The following COL25A1 variants were observed in gnomAD, a reference collection of about 807,000 sequenced individuals.
COL25A1 encodes the protein collagen type XXV alpha 1 chain.
In COL25A1, 103 loss-of-function variants were observed where a neutral mutation model predicts 128.4. The ratio of observed to expected loss-of-function variants is 0.80; its 90% CI spans 0.68 to 0.94. COL25A1 has a LOEUF of 0.94. COL25A1 is among the 40% of genes least tolerant of loss of function. The pLI, the probability that COL25A1 is intolerant of heterozygous loss-of-function variation, is 0.00. For synonymous variants in COL25A1, 279 were observed against 277.2 expected, an observed-to-expected ratio of 1.01 and a Z score of -0.06; for missense variants, 745 against 840.0, an observed-to-expected ratio of 0.89 and a Z score of 1.40.
At chr4:109,174,425 A>T (rs1329389078) in intron 3 of COL25A1, among the ~76,000 whole-genome samples, 1 of 152,152 alleles carries the variant, frequency 6.6e-6, no homozygotes, top group African/African-American at 2.4e-5. Context: ...AGCACGTTTC[A>T]GTTCCCCACC....
intron 3 of COL25A1, among the ~76,000 whole-genome samples, chr4:109,094,050 A>C (rs1765189433): frequency 6.6e-6 from 1 of 152,240 alleles, no homozygotes; most frequent in Non-Finnish European, 1.5e-5. Flanking sequence ...ATAGAGCTTC[A>C]ATAAATATGT....
At chr4:109,294,294 A>G (rs1370227611) in intron 3 of COL25A1, among the ~76,000 whole-genome samples, 1 of 152,120 alleles carries the variant, frequency 6.6e-6, no homozygotes, top group Non-Finnish European at 1.5e-5. Context: ...GAATCACAGA[A>G]TAGTCATTTG....
At chr4:108,871,436 C>T (rs1000502559) in intron 19 of COL25A1, among the ~76,000 whole-genome samples, 8 of 152,112 alleles carry the variant, frequency 5.3e-5, no homozygotes, top group Non-Finnish European at 1.0e-4. Flanking sequence ...CTGCCTCAGC[C>T]TCCCGAGTAG....
chr4:108,875,448 GAC>G (rs1358239099), intron 19 of COL25A1, among the ~76,000 whole-genome samples: 3 of 152,144 alleles, frequency 2.0e-5, no homozygotes, highest in African/African-American at 7.2e-5. Context: ...GCAGCCAACA[GAC>G]ACATGAAAAA....
chr4:108,997,081 G>C (rs1363069381), intron 6 of COL25A1, among the ~76,000 whole-genome samples: 2 of 152,038 alleles, frequency 1.3e-5, no homozygotes, highest in Non-Finnish European at 2.9e-5. Flanking sequence ...AGAAACAAGA[G>C]CAAACAAATT....
intron 12 of COL25A1, among the ~76,000 whole-genome samples, chr4:108,919,907 C>T (rs1232714118): frequency 2.0e-5 from 3 of 152,062 alleles, no homozygotes; most frequent in East Asian, 1.9e-4. Flanking sequence ...GGACTACAGG[C>T]GTGTGCCACC....
chr4:108,883,799 T>C (rs1043212223), intron 19 of COL25A1, among the ~76,000 whole-genome samples: 1 of 152,192 alleles, frequency 6.6e-6, no homozygotes, highest in Non-Finnish European at 1.5e-5. Flanking sequence ...GCTGCCTAAA[T>C]GTTAGCTTTA....
intron 5 of COL25A1, among the ~76,000 whole-genome samples, chr4:109,042,475 T>C (rs915265212): frequency 1.2e-4 from 19 of 152,054 alleles, no homozygotes; most frequent in African/African-American, 4.6e-4. Context: ...ATTAATTCTC[T>C]GGGCTTTTGC....
chr4:109,238,196 T>A (rs1779597676), intron 3 of COL25A1, among the ~76,000 whole-genome samples: 1 of 152,048 alleles, frequency 6.6e-6, no homozygotes, highest in Admixed American at 6.6e-5. Context: ...AATTGCTGGA[T>A]CTTATGGTAA....
At chr4:109,251,985 T>C (rs1780681247) in intron 3 of COL25A1, among the ~76,000 whole-genome samples, 1 of 152,198 alleles carries the variant, frequency 6.6e-6, no homozygotes, top group African/African-American at 2.4e-5. Context: ...CTTCAGAATG[T>C]TGGGGAACGT....
chr4:108,944,352 G>T (rs906309945), intron 8 of COL25A1, among the ~76,000 whole-genome samples: 1 of 152,076 alleles, frequency 6.6e-6, no homozygotes, highest in Non-Finnish European at 1.5e-5. Context: ...AGTTTAAAAT[G>T]TTATTAGATG....
intron 3 of COL25A1, among the ~76,000 whole-genome samples, chr4:109,218,364 T>G (rs796417981): frequency 7.7e-6 from 1 of 130,152 alleles, no homozygotes; most frequent in African/African-American, 3.4e-5. Context: ...GGGGTTTTTT[T>G]TTTTTTTTTT....
intron 6 of COL25A1, among the ~76,000 whole-genome samples, chr4:108,976,669 A>T (rs1242751372): frequency 1.3e-5 from 2 of 152,220 alleles, no homozygotes; most frequent in Non-Finnish European, 2.9e-5. Flanking sequence ...AAAGTACCCC[A>T]TCCTAGGGGC....
chr4:108,831,989 C>G (rs1733180699), intron 32 of COL25A1, among the ~76,000 whole-genome samples: 1 of 152,120 alleles, frequency 6.6e-6, no homozygotes, highest in Non-Finnish European at 1.5e-5. Context: ...AAAGTTATAA[C>G]CTGCTCTGAA....
intron 6 of COL25A1, among the ~76,000 whole-genome samples, chr4:108,978,849 G>A (rs1322794895): frequency 6.6e-6 from 1 of 152,112 alleles, no homozygotes; most frequent in African/African-American, 2.4e-5. Flanking sequence ...CTCTATAGAA[G>A]GCCCTTTTGG....
intron 6 of COL25A1, among the ~76,000 whole-genome samples, chr4:108,996,016 G>A (rs1171008243): frequency 2.6e-5 from 4 of 152,064 alleles, no homozygotes; most frequent in African/African-American, 9.7e-5. Flanking sequence ...GCAAAAACAC[G>A]ACAAACTGTA....
chr4:108,860,602 A>G (rs1737085674), intron 23 of COL25A1, among the ~76,000 whole-genome samples: 2 of 152,034 alleles, frequency 1.3e-5, no homozygotes, highest in Admixed American at 6.6e-5. Context: ...CACTGAACAT[A>G]TGGGTTATTG....
At chr4:108,885,422 A>G (rs1740661676) in intron 18 of COL25A1, among the ~76,000 whole-genome samples, 1 of 152,218 alleles carries the variant, frequency 6.6e-6, no homozygotes, top group Non-Finnish European at 1.5e-5. Context: ...CAGGAATGCA[A>G]AAGAAAAACG....
intron 3 of COL25A1, among the ~76,000 whole-genome samples, chr4:109,151,196 A>C (rs952621623): frequency 1.3e-5 from 2 of 152,104 alleles, no homozygotes; most frequent in African/African-American, 4.8e-5. Flanking sequence ...ATCTTATATG[A>C]ATTTCCCCTC....
Sources: allele counts gnomAD v4.1 joint callset (sites outside exome capture counted in the v4.1 genomes callset), GRCh38; gene constraint gnomAD v4.1.1; transcripts MANE v1.5; gene names NCBI Gene and HGNC (gene_info 2026-07-23, HGNC 2026-07-21).